MEAF6: variants seen among roughly 807,000 people sequenced by gnomAD.
The protein encoded by MEAF6 is chromatin modification-related protein MEAF6.
MEAF6 carries 15 observed loss-of-function variants against 28.9 expected under a neutral mutation model. That is an observed-to-expected ratio of 0.52 (90% CI 0.35 to 0.80). The LOEUF is 0.80. MEAF6 is among the 30% of genes least tolerant of loss of function. MEAF6 has a pLI of 0.01. For synonymous variants in MEAF6, 97 were observed against 88.7 expected (o/e 1.09, Z -0.53); for missense variants, 178 against 237.5 (o/e 0.75, Z 1.65).
At chr1:37,497,576 GTATTTATT>G (rs58313664) in intron 5 of MEAF6, among the ~76,000 whole-genome samples, 3 of 149,732 alleles carry the variant, frequency 2.0e-5, no homozygotes, top group Non-Finnish European at 4.4e-5. Context: ...TGCAGCACCC[GTATTTATT>G]TATTTATTTA....
At position 37,493,955 on chromosome 1, in the gene MEAF6, A is replaced by G; in HGVS notation, c.*144T>C. ...TGACTTGTTTGTCACCACATTTAGAACAAACTACTCAAAGTCACAGGCACT... is the reference window on the plus strand; with the variant it reads ...TGACTTGTTTGTCACCACATTTAGAGCAAACTACTCAAAGTCACAGGCACT... On this transcript the variant is annotated 3_prime_UTR_variant, in exon 7 of 7. Coordinates refer to ENST00000296214, the MANE Select transcript of MEAF6 (RefSeq NM_001270875.3). 1 of 1,575,496 alleles carries G rather than the reference A, an allele frequency of 6.3e-7. No homozygotes were observed. Among genetic ancestry groups the G allele is most frequent in the Non-Finnish European group, 8.6e-7 (1 of 1,164,060 alleles).
At chr1:37,497,012 G>A (rs1168889406) in intron 5 of MEAF6, among the ~76,000 whole-genome samples, 2 of 152,018 alleles carry the variant, frequency 1.3e-5, no homozygotes, top group Non-Finnish European at 2.9e-5. Flanking sequence ...TGCCAAATTC[G>A]GAGTTAGAAC....
At position 37,514,712 on chromosome 1, in the gene MEAF6, A is replaced by G; in HGVS notation, c.35T>C (p.Ile12Thr). ...CGCCAGCTCCCGCCGGGTGTCCGGG[A>G]TCTGCGGCGGCGCCGCCTTGTTGTG... is the stretch of plus-strand genomic sequence containing the variant. ...AMHNKAAPPQ[I>T]PDTRRELAEL... Residue 12 changes from isoleucine to threonine, a missense_variant, in exon 1 of 7, where the codon ATC becomes ACC. By Grantham distance (89) the Ile-to-Thr change is moderately conservative (BLOSUM62 -1). Transcript: ENST00000296214. 1 of 1,537,660 alleles carries G rather than the reference A, an allele frequency of 6.5e-7. No homozygotes were observed.
chr1:37,499,868 A>G (rs746388294), intron 5 of MEAF6, among the ~76,000 whole-genome samples: 22 of 152,220 alleles, frequency 1.4e-4, no homozygotes, highest in Non-Finnish European at 2.4e-4. Context: ...ACCAGCTAAT[A>G]ACATCATTAG....
chr1:37,498,476 C>T (rs1315264230), intron 5 of MEAF6, among the ~76,000 whole-genome samples: 1 of 151,090 alleles, frequency 6.6e-6, no homozygotes, highest in Non-Finnish European at 1.5e-5. Context: ...TCCTCTGTCA[C>T]CCAGGATGAA....
At chr1:37,508,933 T>A (rs902881116) in intron 4 of MEAF6, among the ~76,000 whole-genome samples, 1 of 152,178 alleles carries the variant, frequency 6.6e-6, no homozygotes, top group South Asian at 2.1e-4. Context: ...TCTGTCTCTT[T>A]AAAAAATTTA....
intron 5 of MEAF6, chr1:37,496,650 G>T: frequency 6.5e-7 from 1 of 1,539,762 alleles, no homozygotes; most frequent in Non-Finnish European, 8.9e-7. Context: ...TCTCAAAAAG[G>T]CATACTGGTG....
intron 5 of MEAF6, among the ~76,000 whole-genome samples, chr1:37,500,402 TTC>T (rs1352498527): frequency 3.9e-5 from 6 of 152,208 alleles, no homozygotes; most frequent in African/African-American, 4.8e-5. Context: ...AAGAATATAT[TTC>T]TCTGTTATTC....
chr1:37,503,034 C>T (rs1642366677), intron 4 of MEAF6, among the ~76,000 whole-genome samples: 1 of 152,118 alleles, frequency 6.6e-6, no homozygotes, highest in Non-Finnish European at 1.5e-5. Flanking sequence ...CCTCAAACTC[C>T]TGGGTTCAAA....
rs751803495 is a variant in MEAF6 at position 37,509,249 on chromosome 1, T to C, written c.340+29A>G. On this transcript the variant is annotated intron_variant, in intron 4 of 6. Coordinates refer to ENST00000296214, the MANE Select transcript of MEAF6 (RefSeq NM_001270875.3). ...GGGTGATGGTAGCTTAAAAATAAACTGATGAGAAACATAAAAACATCAACT... is the reference window on the plus strand; with the variant it reads ...GGGTGATGGTAGCTTAAAAATAAACCGATGAGAAACATAAAAACATCAACT... The C allele has an allele frequency of 4.4e-6, 7 of 1,603,730 alleles. 1 individual carries two copies. The South Asian group carries it at 7.7e-5, about 18-fold the overall frequency.
At chr1:37,496,733 C>A in intron 5 of MEAF6, 2 of 1,599,650 alleles carry the variant, frequency 1.3e-6, no homozygotes, top group South Asian at 1.1e-5. Context: ...ACATGCCAGA[C>A]GGGCTGAGGG....
intron 6 of MEAF6, 30 bp downstream of exon 6, chr1:37,495,855 C>G: frequency 6.2e-7 from 1 of 1,612,766 alleles, no homozygotes; most frequent in Middle Eastern, 1.6e-4. Context: ...AAATTGCCAG[C>G]CTCTCTGAAG....
chr1:37,503,658 C>CAAAA (rs773565571), intron 4 of MEAF6, among the ~76,000 whole-genome samples: 3,232 of 47,874 alleles, frequency 0.068, 88 homozygotes, highest in South Asian at 0.1. Flanking sequence ...AAGACTGTCT[C>CAAAA]AAAAAAAAAA....
chr1:37,494,132 C>A, intron 6 of MEAF6, 25 bp from the exon 7 acceptor site: 3 of 1,591,220 alleles, frequency 1.9e-6, no homozygotes, highest in Non-Finnish European at 2.6e-6. Context: ...ACAAAAGTCC[C>A]AACTTACTCT....
At position 37,490,793 on chromosome 1, in the gene MEAF6, GAGGC is replaced by G. The variant is rs1293193180; in HGVS notation, c.*3302_*3305del. On this transcript the variant is annotated 3_prime_UTR_variant, in exon 7 of 7. Coordinates refer to ENST00000296214, the MANE Select transcript of MEAF6 (RefSeq NM_001270875.3). ...TGTAATCCTAGCACTTTGGGAGGCT[GAGGC>G]AGGTGGATTACGAAGTCAGGAGTTT... 6.6e-6 allele frequency among the ~76,000 whole-genome samples: 1 copy of G among 152,172 alleles called. No individual in the cohort carries two copies. Among genetic ancestry groups the G allele is most frequent in the Non-Finnish European group, 1.5e-5 (1 of 68,026 alleles).
chr1:37,496,695 A>T, intron 5 of MEAF6: 1 of 1,595,996 alleles, frequency 6.3e-7, no homozygotes, highest in Non-Finnish European at 8.6e-7. Flanking sequence ...TACTAATTCA[A>T]ATCAAACTTA....
intron 5 of MEAF6, 123 bp downstream of exon 5, chr1:37,501,681 A>G (rs1325294477): frequency 1.1e-5 from 11 of 988,098 alleles, no homozygotes; most frequent in Non-Finnish European, 1.6e-5. Flanking sequence ...ACTTGGACCT[A>G]ATGACTTTCT....
At position 37,492,560 on chromosome 1, in the gene MEAF6, C is replaced by CAAAAAAA; in HGVS notation, c.*1532_*1538dup. 2 of 73,072 alleles carry CAAAAAAA rather than the reference C, an allele frequency of 2.7e-5. No individual in the cohort carries two copies. The highest frequency in any genetic ancestry group is 6.1e-5 in the African/African-American group (1 of 16,392). The allele number at this position is 73,072 out of a possible 1,614,324, so 4.5% of individuals were successfully genotyped here. A position where few individuals can be genotyped will look rare whatever the true frequency, so the allele number is the denominator to read the frequency against. ...AGTCAAAGATCTAAATAGCCAGAGTCAAAAAAAAAAAAAAAAAAAAACCCA... is the reference window on the plus strand; with the variant it reads ...AGTCAAAGATCTAAATAGCCAGAGTCAAAAAAAAAAAAAAAAAAAAAAAAAAAACCCA... On this transcript the variant is annotated 3_prime_UTR_variant, in exon 7 of 7. Coordinates refer to ENST00000296214, the MANE Select transcript of MEAF6 (RefSeq NM_001270875.3).
At chr1:37,511,503 T>C (rs563989549) in intron 2 of MEAF6, among the ~76,000 whole-genome samples, 4 of 152,300 alleles carry the variant, frequency 2.6e-5, no homozygotes, top group Admixed American at 2.6e-4. Context: ...TCTCAAAGCA[T>C]AACATCCAAA....
Sources: gnomAD v4.1 joint callset for allele counts (sites outside exome capture counted in the v4.1 genomes callset) on GRCh38, gnomAD v4.1.1 for gene constraint, MANE v1.5 for transcripts, NCBI Gene and HGNC (gene_info 2026-07-23, HGNC 2026-07-21) for gene names.